Variants in TAS2R1 observed in about 807,000 individuals in gnomAD.
The protein encoded by TAS2R1 is taste receptor type 2 member 1.
For synonymous variants in TAS2R1, 141 were observed against 134.2 expected, an observed-to-expected ratio of 1.05 and a Z score of -0.35; for missense variants, 370 against 353.4, an observed-to-expected ratio of 1.05 and a Z score of -0.38.
upstream of TAS2R1, among the ~76,000 whole-genome samples, chr5:9,716,530 T>C (rs1734815543): frequency 8.4e-6 from 1 of 118,354 alleles, no homozygotes; most frequent in Admixed American, 9.2e-5. Context: ...ACCAAGTCTG[T>C]AAACAGTACA....
At chr5:9,815,530 AAG>A in the TAS2R1 span, among the ~76,000 whole-genome samples, 1 of 152,164 alleles carries the variant, frequency 6.6e-6, no homozygotes, top group Non-Finnish European at 1.5e-5. Flanking sequence ...ACCACTAAAA[AAG>A]AGAGAGAAAG....
chr5:9,772,510 A>G, the TAS2R1 span, among the ~76,000 whole-genome samples: 1 of 152,032 alleles, frequency 6.6e-6, no homozygotes, highest in Non-Finnish European at 1.5e-5. Context: ...GTAAATGTCT[A>G]CTAGGTTCAT....
At chr5:9,841,739 G>T in the TAS2R1 span, among the ~76,000 whole-genome samples, 26 of 152,260 alleles carry the variant, frequency 1.7e-4, no homozygotes, top group Middle Eastern at 3.4e-3. Flanking sequence ...GACTGTGTTT[G>T]TAGTCAGTAA....
At chr5:9,736,787 G>A in the TAS2R1 span, among the ~76,000 whole-genome samples, 1 of 152,002 alleles carries the variant, frequency 6.6e-6, no homozygotes, top group East Asian at 1.9e-4. Flanking sequence ...TTTCAGTCCT[G>A]AGCTCCACCT....
chr5:9,847,013 G>A, the TAS2R1 span, among the ~76,000 whole-genome samples: 5 of 152,004 alleles, frequency 3.3e-5, no homozygotes, highest in Non-Finnish European at 5.9e-5. Context: ...ATCTCATTAC[G>A]AACTGTGAAA....
intron 2 of TAS2R1, among the ~76,000 whole-genome samples, chr5:9,639,765 C>T (rs926114305): frequency 2.0e-5 from 3 of 152,176 alleles, no homozygotes; most frequent in Admixed American, 2.0e-4. Flanking sequence ...ATGATCTATC[C>T]TCTGCTAACT....
chr5:9,741,318 T>C, the TAS2R1 span, among the ~76,000 whole-genome samples: 7,419 of 152,100 alleles, frequency 0.049, 532 homozygotes, highest in East Asian at 0.2. Context: ...TAAGAGATTT[T>C]CTCAAGGCCA....
the TAS2R1 span, among the ~76,000 whole-genome samples, chr5:9,775,064 G>A: frequency 6.6e-6 from 1 of 152,178 alleles, no homozygotes; most frequent in African/African-American, 2.4e-5. Flanking sequence ...TGTCATTCAG[G>A]AGCCAGGGCC....
the TAS2R1 span, among the ~76,000 whole-genome samples, chr5:9,810,048 C>T: frequency 4.6e-5 from 7 of 152,146 alleles, no homozygotes; most frequent in Admixed American, 6.5e-5. Flanking sequence ...TATTGATTCT[C>T]ATGTGTGTGA....
the TAS2R1 span, among the ~76,000 whole-genome samples, chr5:9,824,393 C>A: frequency 4.6e-5 from 7 of 152,226 alleles, no homozygotes; most frequent in Admixed American, 4.6e-4. Flanking sequence ...GTGTTCTGTG[C>A]AATGTCTCAC....
chr5:9,890,650 A>G, the TAS2R1 span, among the ~76,000 whole-genome samples: 2,959 of 152,336 alleles, frequency 0.019, 83 homozygotes, highest in African/African-American at 0.065. Context: ...CTGAAGCTCT[A>G]CAAAGACTGA....
intron 1 of TAS2R1, among the ~76,000 whole-genome samples, chr5:9,683,482 C>T (rs534180555): frequency 3.3e-5 from 5 of 152,262 alleles, no homozygotes; most frequent in South Asian, 4.1e-4. Flanking sequence ...TGGCTTTACC[C>T]GTAAGCCTGC....
chr5:9,876,198 C>T, the TAS2R1 span, among the ~76,000 whole-genome samples: 13,519 of 151,434 alleles, frequency 0.089, 611 homozygotes, highest in Middle Eastern at 0.099. Flanking sequence ...GGAAGCTGAC[C>T]CCTGACAACA....
the TAS2R1 span, among the ~76,000 whole-genome samples, chr5:9,749,449 C>T: frequency 5.3e-5 from 8 of 152,288 alleles, no homozygotes; most frequent in African/African-American, 1.7e-4. Context: ...TGATCATGTA[C>T]AGCATCTGTA....
rs1258889136 is a variant in TAS2R1 at position 9,629,434 on chromosome 5, G to A, written c.599C>T (p.Ser200Phe). Reference sequence around the variant, plus strand: ...CATTTGCCGGGTGTGCCTCCCCAGAGAGAAAATCAAGAGCAAAACAGCAAA... The same window carrying A: ...CATTTGCCGGGTGTGCCTCCCCAGAAAGAAAATCAAGAGCAAAACAGCAAA... ...FLFAVLLLIF[S>F]LGRHTRQMRN... Residue 200 changes from serine (S) to phenylalanine (F), a missense_variant, in exon 1 of 1, where the codon TCT becomes TTT. Coordinates refer to ENST00000382492, the MANE Select transcript of TAS2R1 (RefSeq NM_019599.3). 1 of 1,614,102 alleles carries A rather than the reference G, an allele frequency of 6.2e-7. No individual in the cohort carries two copies. Among genetic ancestry groups the A allele is most frequent in the Non-Finnish European group, 8.5e-7 (1 of 1,180,006 alleles).
At chr5:9,789,986 T>C in the TAS2R1 span, among the ~76,000 whole-genome samples, 3 of 152,248 alleles carry the variant, frequency 2.0e-5, no homozygotes, top group Non-Finnish European at 2.9e-5. Flanking sequence ...TGATGGCTCC[T>C]AAGGCCTCTG....
At chr5:9,766,624 C>T in the TAS2R1 span, among the ~76,000 whole-genome samples, 1 of 152,222 alleles carries the variant, frequency 6.6e-6, no homozygotes. Flanking sequence ...GTCCCCAGTA[C>T]ACATCTGTCA....
chr5:9,857,841 G>T, the TAS2R1 span, among the ~76,000 whole-genome samples: 1 of 152,238 alleles, frequency 6.6e-6, no homozygotes, highest in Admixed American at 6.5e-5. Context: ...CAGAGATTCT[G>T]GGTATACCAC....
At chr5:9,860,452 T>C in the TAS2R1 span, among the ~76,000 whole-genome samples, 8 of 152,300 alleles carry the variant, frequency 5.3e-5, no homozygotes, top group East Asian at 1.5e-3. Context: ...AAACTGTCTA[T>C]GGCACCAAAT....
Sources: gnomAD v4.1 joint callset for allele counts (sites outside exome capture counted in the v4.1 genomes callset) on GRCh38, gnomAD v4.1.1 for gene constraint, MANE v1.5 for transcripts, NCBI Gene and HGNC (gene_info 2026-07-23, HGNC 2026-07-21) for gene names.